GHR: variants seen among roughly 807,000 people sequenced by gnomAD.
GHR encodes the protein growth hormone receptor, also known as GH receptor.
GHR carries 35 observed loss-of-function variants against 67.1 expected under a neutral mutation model. The ratio of observed to expected loss-of-function variants is 0.52; its 90% CI spans 0.40 to 0.69. GHR has a LOEUF of 0.69. GHR is among the 30% of genes least tolerant of loss of function. The probability of loss-of-function intolerance (pLI) is 0.00; values close to 1 mark genes in which losing one functional copy is unlikely to be tolerated. For synonymous variants in GHR, 272 were observed against 269.1 expected, an observed-to-expected ratio of 1.01 and a Z score of -0.10; for missense variants, 792 against 764.6, an observed-to-expected ratio of 1.04 and a Z score of -0.42.
chr5:42,505,109 G>A (rs539160082), intron 1 of GHR, among the ~76,000 whole-genome samples: 1 of 150,244 alleles, frequency 6.7e-6, no homozygotes, highest in East Asian at 1.9e-4. Context: ...ATGCATGTTG[G>A]GAGCTGTTGA....
intron 1 of GHR, among the ~76,000 whole-genome samples, chr5:42,501,386 T>C (rs1746535159): frequency 6.6e-6 from 1 of 152,086 alleles, no homozygotes; most frequent in African/African-American, 2.4e-5. Context: ...TACATCAATG[T>C]CATTAGGCCC....
chr5:42,695,208 G>A, intron 5 of GHR, 119 bp downstream of exon 5: 1 of 750,692 alleles, frequency 1.3e-6, no homozygotes, highest in Non-Finnish European at 2.4e-6. Flanking sequence ...TAGATACATG[G>A]AGATCTGTTT....
intron 6 of GHR, among the ~76,000 whole-genome samples, chr5:42,707,014 AT>A (rs1484633419): frequency 2.0e-5 from 3 of 152,058 alleles, no homozygotes; most frequent in Admixed American, 2.0e-4. Flanking sequence ...CTTCTAATCC[AT>A]AAGCATGGAA....
Position 42,434,823 on chromosome 5 carries a change from T to C in GHR, c.-12+10868T>C, listed in dbSNP as rs114064357. Among the ~76,000 whole-genome samples, 1,392 of 152,294 alleles carry C rather than the reference T, an allele frequency of 9.1e-3. 20 individuals are homozygous for C. Among genetic ancestry groups the C allele is most frequent in the African/African-American group, 0.032 (1,316 of 41,566 alleles). Reference sequence around the variant, plus strand: ...GTAAATTAGGGTTGGCAGATGCCTGTTGAGATGTCAACCATAGCCAAAGCT... The same window carrying C: ...GTAAATTAGGGTTGGCAGATGCCTGCTGAGATGTCAACCATAGCCAAAGCT... On this transcript the variant is annotated intron_variant, in intron 1 of 9. Coordinates refer to ENST00000230882, the MANE Select transcript of GHR (RefSeq NM_000163.5).
intron 2 of GHR, among the ~76,000 whole-genome samples, chr5:42,566,538 T>C (rs944736784): frequency 2.0e-5 from 3 of 152,184 alleles, no homozygotes; most frequent in Admixed American, 6.5e-5. Context: ...TCCCTCTCCT[T>C]GTAGAGAAGT....
chr5:42,631,573 C>T (rs7732333), intron 3 of GHR, among the ~76,000 whole-genome samples: 3,617 of 152,250 alleles, frequency 0.024, 132 homozygotes, highest in African/African-American at 0.079. Flanking sequence ...CAGTCTTTAG[C>T]TGTGTGCCCT....
At chr5:42,568,331 C>CTCTCATCCTTAATATGAAGT (rs1185639777) in intron 2 of GHR, among the ~76,000 whole-genome samples, 2 of 152,154 alleles carry the variant, frequency 1.3e-5, no homozygotes, top group East Asian at 3.9e-4. Flanking sequence ...TGTTTTCTGT[C>CTCTCATCCTTAATATGAAGT]TCTCATCCTT....
At chr5:42,601,669 G>A (rs1011052115) in intron 2 of GHR, among the ~76,000 whole-genome samples, 7 of 151,918 alleles carry the variant, frequency 4.6e-5, no homozygotes, top group Non-Finnish European at 1.0e-4. Context: ...TCCTTGACAG[G>A]ACTAATTGCT....
intron 1 of GHR, among the ~76,000 whole-genome samples, chr5:42,534,280 A>G (rs1273804446): frequency 7.1e-6 from 1 of 141,184 alleles, no homozygotes; most frequent in Non-Finnish European, 1.5e-5. Context: ...GTATATATGT[A>G]TATATGTACA....
At chr5:42,603,396 C>G (rs1752475770) in intron 2 of GHR, among the ~76,000 whole-genome samples, 1 of 152,088 alleles carries the variant, frequency 6.6e-6, no homozygotes, top group South Asian at 2.1e-4. Flanking sequence ...TTATTTTCTT[C>G]CCGGGACTGG....
At chr5:42,718,319 A>AC (rs1758823675) in intron 9 of GHR, 134 bp from the exon 10 acceptor site, 1 of 748,216 alleles carries the variant, frequency 1.3e-6, no homozygotes, top group South Asian at 1.7e-5. Context: ...TTACACACTA[A>AC]TTTATGTTTT....
intron 2 of GHR, 83 bp downstream of exon 2, chr5:42,566,027 AT>A: frequency 6.7e-7 from 1 of 1,503,060 alleles, no homozygotes; most frequent in Non-Finnish European, 9.3e-7. Context: ...TTTTTGGATG[AT>A]TTTATTAAAA....
In GHR at chr5:42,429,302, C is replaced by T. The variant is rs188871783; in HGVS notation, c.-12+5347C>T. 6.0e-4 allele frequency among the ~76,000 whole-genome samples: 92 copies of T among 152,260 alleles called. 1 individual carries two copies. In the South Asian group the frequency reaches 0.015, roughly 24 times the overall value. ...TCGCAAGAACAGCATGGGAAAAACT[C>T]GCCCTCTTGGTTCAATGACCTCCCA... On this transcript the variant is annotated intron_variant, in intron 1 of 9. Transcript: ENST00000230882.
chr5:42,663,112 A>C (rs891400557), intron 3 of GHR, among the ~76,000 whole-genome samples: 4 of 152,192 alleles, frequency 2.6e-5, no homozygotes, highest in African/African-American at 9.6e-5. Context: ...ATAGCTTACC[A>C]ACCAAAAAGA....
chr5:42,665,511 C>T (rs530938964), intron 3 of GHR, among the ~76,000 whole-genome samples: 1 of 151,828 alleles, frequency 6.6e-6, no homozygotes, highest in South Asian at 2.1e-4. Context: ...AAACCAAACA[C>T]CGCATATTCT....
intron 1 of GHR, among the ~76,000 whole-genome samples, chr5:42,438,528 T>C (rs1743433214): frequency 6.6e-6 from 1 of 152,216 alleles, no homozygotes. Context: ...GTCTTGGTTG[T>C]TCTGTCTCTT....
intron 8 of GHR, 121 bp from the exon 9 acceptor site, chr5:42,717,931 T>A: frequency 3.0e-6 from 2 of 664,300 alleles, no homozygotes; most frequent in Admixed American, 2.2e-5. Context: ...TCCAATTATA[T>A]AAAGTACCAG....
intron 1 of GHR, among the ~76,000 whole-genome samples, chr5:42,501,218 A>G (rs1679879426): frequency 6.6e-6 from 1 of 152,208 alleles, no homozygotes; most frequent in Non-Finnish European, 1.5e-5. Flanking sequence ...TAAATCCAGT[A>G]GTATTGCTCC....
At chr5:42,455,869 G>A (rs1289926296) in intron 1 of GHR, among the ~76,000 whole-genome samples, 6 of 152,208 alleles carry the variant, frequency 3.9e-5, no homozygotes, top group Non-Finnish European at 8.8e-5. Flanking sequence ...GAAGTCAGAA[G>A]ACTTAGATCT....
Sources: allele counts gnomAD v4.1 joint callset (sites outside exome capture counted in the v4.1 genomes callset), GRCh38; gene constraint gnomAD v4.1.1; transcripts MANE v1.5; gene names NCBI Gene and HGNC (gene_info 2026-07-23, HGNC 2026-07-21).